COMMD6: variants seen among roughly 807,000 people sequenced by gnomAD.
COMMD6 encodes COMM domain containing 6, also known as COMM domain-containing protein 6.
Under a neutral mutation model 13.4 loss-of-function variants are expected in COMMD6, and 11 were observed. The observed-to-expected ratio is 0.82, with a 90% confidence interval of 0.52 to 1.36. The LOEUF is 1.36. COMMD6 is among the 40% of genes most tolerant of loss of function. COMMD6 has a pLI of 0.00. For synonymous variants in COMMD6, 43 were observed against 36.5 expected (o/e 1.18, Z -0.64); for missense variants, 124 against 102.4 (o/e 1.21, Z -0.91).
rs768205427 is a variant in COMMD6, at chr13:75,537,449, G to A, written c.54+215C>T. Reference sequence around the variant, plus strand: ...ACAATCCTTGATCTGCATTCTTCGGGCTAGTGCAGGGTGGGGAAGAGGAGC... The same window carrying A: ...ACAATCCTTGATCTGCATTCTTCGGACTAGTGCAGGGTGGGGAAGAGGAGC... On this transcript the variant is annotated intron_variant, in intron 2 of 3. Coordinates refer to ENST00000682242, the MANE Select transcript of COMMD6 (RefSeq NM_203495.4). The A allele has an allele frequency of 5.8e-6, 9 of 1,551,326 alleles. No homozygotes were observed. The African/African-American group carries it at 8.2e-5, about 14-fold the overall frequency.
chr13:75,529,520 C>CAAAAAAAAAAAAAAAAA (rs58073558), intron 3 of COMMD6, among the ~76,000 whole-genome samples: 2 of 104,644 alleles, frequency 1.9e-5, no homozygotes, highest in African/African-American at 7.5e-5. Flanking sequence ...GACTCCGTCT[C>CAAAAAAAAAAAAAAAAA]AAAAAAAAAA....
intron 2 of COMMD6, among the ~76,000 whole-genome samples, chr13:75,531,858 C>G (rs1224011244): frequency 6.6e-6 from 1 of 152,146 alleles, no homozygotes; most frequent in Non-Finnish European, 1.5e-5. Context: ...AGGGATAGAA[C>G]TTAGAAAAAC....
upstream of COMMD6, among the ~76,000 whole-genome samples, chr13:75,542,631 AC>A (rs1468872716): frequency 5.3e-5 from 8 of 152,132 alleles, no homozygotes; most frequent in African/African-American, 1.9e-4. Flanking sequence ...TATGATTCTT[AC>A]AATTTTCACA....
intron 2 of COMMD6, among the ~76,000 whole-genome samples, chr13:75,536,754 A>G (rs1203302308): frequency 6.6e-6 from 1 of 152,226 alleles, no homozygotes; most frequent in East Asian, 1.9e-4. Flanking sequence ...GAACTATAAG[A>G]TAATAAATTT....
chr13:75,529,051 C>T (rs1214182712), intron 3 of COMMD6, among the ~76,000 whole-genome samples: 6 of 152,134 alleles, frequency 3.9e-5, no homozygotes, highest in Non-Finnish European at 8.8e-5. Flanking sequence ...GTTGCTTTCT[C>T]TGACTTTTAG....
intron 1 of COMMD6, among the ~76,000 whole-genome samples, chr13:75,544,532 G>A (rs2030872932): frequency 6.6e-6 from 1 of 152,162 alleles, no homozygotes; most frequent in Non-Finnish European, 1.5e-5. Context: ...GGAGGCTGAG[G>A]TGGGTGCATC....
chr13:75,540,686 C>A (rs2030814672), upstream of COMMD6, among the ~76,000 whole-genome samples: 1 of 152,092 alleles, frequency 6.6e-6, no homozygotes, highest in Admixed American at 6.5e-5. Context: ...CAGATGTTAT[C>A]AATAGAGTCA....
In COMMD6 at chr13:75,547,748, T is replaced by C. The variant is rs190788091; in HGVS notation, n.106+1575A>G. On this transcript the variant is annotated intron_variant and non_coding_transcript_variant, in intron 1 of 2. Transcript: ENST00000460675. Reference sequence around the variant, plus strand: ...GAGTCCTACATTTGTAAGGGTTTTATGGGTCTAAAGGTCTGGGGTGTGCTA... The same window carrying C: ...GAGTCCTACATTTGTAAGGGTTTTACGGGTCTAAAGGTCTGGGGTGTGCTA... Among the ~76,000 whole-genome samples, 554 of 152,344 alleles carry C rather than the reference T, an allele frequency of 3.6e-3. 5 individuals are homozygous for C. Among genetic ancestry groups the C allele is most frequent in the African/African-American group, 0.013 (530 of 41,594 alleles).
chr13:75,543,233 C>T (rs1046150817), upstream of COMMD6, among the ~76,000 whole-genome samples: 5 of 152,180 alleles, frequency 3.3e-5, no homozygotes, highest in African/African-American at 4.8e-5. Context: ...GTACTATGCT[C>T]ATTACCTGGG....
chr13:75,530,302 T>C, intron 2 of COMMD6, 36 bp from the exon 3 acceptor site: 1 of 1,516,028 alleles, frequency 6.6e-7, no homozygotes, highest in Non-Finnish European at 9.0e-7. Context: ...ACATTAGTAG[T>C]AACATTACCT....
At chr13:75,533,587 AAGAG>A (rs1259394929) in intron 2 of COMMD6, among the ~76,000 whole-genome samples, 3 of 150,412 alleles carry the variant, frequency 2.0e-5, no homozygotes, top group East Asian at 2.0e-4. Context: ...AAAAAAAAAA[AAGAG>A]AGAGAGAGAG....
chr13:75,533,095 T>G (rs928908015), intron 2 of COMMD6, among the ~76,000 whole-genome samples: 3 of 151,840 alleles, frequency 2.0e-5, no homozygotes, highest in African/African-American at 7.2e-5. Context: ...CATGACGGGC[T>G]AATTTTTTTG....
At chr13:75,537,888 G>C, upstream of COMMD6, 1 of 1,429,924 alleles carries the variant, frequency 7.0e-7, no homozygotes, top group South Asian at 1.4e-5. Context: ...GCCCCTAGCG[G>C]CCTGGCGCAT....
At position 75,530,123 on chromosome 13, in the gene COMMD6, T is replaced by C. The variant is rs753871453; in HGVS notation, c.198A>G (p.Pro66=). The C allele has an allele frequency of 1.8e-5, 29 of 1,611,934 alleles. No homozygotes were observed. Among genetic ancestry groups the C allele is most frequent in the Non-Finnish European group, 2.4e-5 (28 of 1,179,130 alleles). ...GAGTTAAATCACAAACCTGAAACTG[T>C]GGAATCGTCATTTCAAAGCACTTGG... is the stretch of plus-strand genomic sequence containing the variant. ...VKTKCFEMTI[P]QFQNFYRQFK... The change falls in exon 3 of 4, where the codon CCA becomes CCG. Residue 66 remains proline, a synonymous_variant. Coordinates refer to ENST00000682242, the MANE Select transcript of COMMD6 (RefSeq NM_203495.4).
At chr13:75,530,321 G>A in intron 2 of COMMD6, 55 bp from the exon 3 acceptor site, 2 of 1,428,874 alleles carry the variant, frequency 1.4e-6, no homozygotes, top group Non-Finnish European at 9.6e-7. Flanking sequence ...CTGGAATGCA[G>A]ATATTTATTC....
chr13:75,544,856 G>A (rs1215906166), intron 1 of COMMD6, among the ~76,000 whole-genome samples: 1 of 148,950 alleles, frequency 6.7e-6, no homozygotes. Context: ...AACCTGGGAG[G>A]CGGAGGTTGC....
At chr13:75,531,211 C>T (rs2030467345) in intron 2 of COMMD6, among the ~76,000 whole-genome samples, 2 of 152,160 alleles carry the variant, frequency 1.3e-5, no homozygotes, top group Admixed American at 1.3e-4. Flanking sequence ...ACCACATATC[C>T]ATCATGAACA....
chr13:75,541,901 G>A (rs552297036), upstream of COMMD6, among the ~76,000 whole-genome samples: 2 of 152,168 alleles, frequency 1.3e-5, no homozygotes, highest in Non-Finnish European at 2.9e-5. Flanking sequence ...AACAGACAGA[G>A]GCTCTCTAAA....
upstream of COMMD6, among the ~76,000 whole-genome samples, chr13:75,538,302 G>A (rs2138426175): frequency 6.6e-6 from 1 of 152,344 alleles, no homozygotes; most frequent in East Asian, 1.9e-4. Context: ...CATTATCCCT[G>A]CTGTTCCTCT....
Sources: allele counts gnomAD v4.1 joint callset (sites outside exome capture counted in the v4.1 genomes callset), GRCh38; gene constraint gnomAD v4.1.1; transcripts MANE v1.5; gene names NCBI Gene and HGNC (gene_info 2026-07-23, HGNC 2026-07-21).